SEC14L1: variants seen among roughly 807,000 people sequenced by gnomAD.
SEC14L1 encodes SEC14-like protein 1.
SEC14L1 carries 48 observed loss-of-function variants against 85.3 expected under a neutral mutation model. That is an observed-to-expected ratio of 0.56 (90% CI 0.45 to 0.72). The LOEUF is 0.72. SEC14L1 is among the 30% of genes least tolerant of loss of function. The probability of loss-of-function intolerance (pLI) is 0.00; values close to 1 mark genes in which losing one functional copy is unlikely to be tolerated. For missense variants in SEC14L1, 682 were observed against 921.4 expected (o/e 0.74, Z 3.36); for synonymous variants, 391 against 355.5 (o/e 1.10, Z -1.12).
At chr17:77,104,584 G>A (rs1056374797) in intron 3 of SEC14L1, among the ~76,000 whole-genome samples, 31 of 150,154 alleles carry the variant, frequency 2.1e-4, no homozygotes, top group Non-Finnish European at 4.4e-5. Flanking sequence ...GAGGTCAGGA[G>A]ATCAAGACCA....
In SEC14L1 at chr17:77,214,544, C is replaced by G. The variant is rs1333662359; in HGVS notation, c.*521C>G. ...TGGACTTAGGGCCAGCCCTTGAGGTCCTTATCCTCTGAGGATTCAGAGGTT... is the reference window on the plus strand; with the variant it reads ...TGGACTTAGGGCCAGCCCTTGAGGTGCTTATCCTCTGAGGATTCAGAGGTT... On this transcript the variant is annotated 3_prime_UTR_variant, in exon 17 of 17. Transcript: ENST00000436233. The G allele has an allele frequency of 1.1e-5, 11 of 992,252 alleles. No individual in the cohort carries two copies. Among genetic ancestry groups the G allele is most frequent in the Non-Finnish European group, 1.3e-5 (11 of 833,874 alleles). 61.5% of individuals were successfully genotyped at this position (992,252 alleles called of 1,614,324 possible).
At chr17:77,119,509 T>C (rs1486985980) in intron 3 of SEC14L1, among the ~76,000 whole-genome samples, 2 of 152,110 alleles carry the variant, frequency 1.3e-5, no homozygotes, top group Non-Finnish European at 2.9e-5. Flanking sequence ...CCGGTATCCC[T>C]GTGAAAGAGC....
At chr17:77,174,119 C>T (rs780041899) in intron 3 of SEC14L1, among the ~76,000 whole-genome samples, 2 of 152,098 alleles carry the variant, frequency 1.3e-5, no homozygotes, top group African/African-American at 4.8e-5. Context: ...TGGGGTTGCA[C>T]CATGTTGGCC....
intron 3 of SEC14L1, among the ~76,000 whole-genome samples, chr17:77,177,490 C>G (rs911668420): frequency 6.6e-6 from 1 of 151,224 alleles, no homozygotes; most frequent in African/African-American, 2.4e-5. Context: ...GCTGGAAATT[C>G]TTGAAGAAGA....
intron 3 of SEC14L1, among the ~76,000 whole-genome samples, chr17:77,130,499 G>C (rs1189730142): frequency 6.6e-6 from 1 of 151,970 alleles, no homozygotes; most frequent in Non-Finnish European, 1.5e-5. Context: ...GTATTTTTTA[G>C]TAGTGACGGG....
intron 3 of SEC14L1, among the ~76,000 whole-genome samples, chr17:77,150,668 G>T (rs561897323): frequency 1.4e-4 from 21 of 152,322 alleles, no homozygotes; most frequent in African/African-American, 4.8e-4. Context: ...AACACTTTCT[G>T]ACGGGCAGCT....
chr17:77,198,638 G>A (rs1205373012), intron 8 of SEC14L1, among the ~76,000 whole-genome samples: 2 of 151,168 alleles, frequency 1.3e-5, no homozygotes, highest in African/African-American at 4.9e-5. Context: ...GCAGTGGCGC[G>A]ATCTCGGCTC....
At chr17:77,119,036 A>T (rs1208007559) in intron 3 of SEC14L1, among the ~76,000 whole-genome samples, 1 of 152,124 alleles carries the variant, frequency 6.6e-6, no homozygotes. Context: ...CAGGCCGGGT[A>T]CAGTGGCTCA....
chr17:77,148,293 C>T (rs1973405695), intron 3 of SEC14L1, among the ~76,000 whole-genome samples: 1 of 151,984 alleles, frequency 6.6e-6, no homozygotes, highest in Non-Finnish European at 1.5e-5. Flanking sequence ...ACCTTCTGAA[C>T]CCGATTTTTG....
intron 3 of SEC14L1, among the ~76,000 whole-genome samples, chr17:77,129,730 A>T (rs1161194130): frequency 3.9e-5 from 6 of 152,098 alleles, no homozygotes; most frequent in African/African-American, 1.4e-4. Flanking sequence ...CTATTGCTTT[A>T]ACTAAATGGA....
At chr17:77,170,223 A>T (rs1302093956) in intron 3 of SEC14L1, among the ~76,000 whole-genome samples, 1 of 152,122 alleles carries the variant, frequency 6.6e-6, no homozygotes, top group Non-Finnish European at 1.5e-5. Context: ...GAGACAGATT[A>T]AACTTTCTTT....
chr17:77,215,426 C>T lies in SEC14L1; in HGVS notation c.*1403C>T, dbSNP rs1323239410. 6.1e-6 allele frequency: 6 copies of T among 985,362 alleles called. No homozygotes were observed. In the African/African-American group the frequency reaches 1.0e-4, roughly 17 times the overall value. 61.0% of individuals were successfully genotyped at this position (985,362 alleles called of 1,614,324 possible). A position where few individuals can be genotyped will look rare whatever the true frequency, so the allele number is the denominator to read the frequency against. On this transcript the variant is annotated 3_prime_UTR_variant, in exon 17 of 17. Transcript: ENST00000436233. ...GGCTGTCAACTGTGTGCGTGGTAGGCATGGAGATCCTGGTTGTGCCGTCTC... is the reference window on the plus strand; with the variant it reads ...GGCTGTCAACTGTGTGCGTGGTAGGTATGGAGATCCTGGTTGTGCCGTCTC...
rs1567933463 is a variant in SEC14L1, at chr17:77,206,023, G to T, written c.1170-206G>T. Among the ~76,000 whole-genome samples, 1 of 152,132 alleles carries T rather than the reference G, an allele frequency of 6.6e-6. No homozygotes were observed. Among genetic ancestry groups the T allele is most frequent in the Non-Finnish European group, 1.5e-5 (1 of 68,030 alleles). On this transcript the variant is annotated intron_variant, in intron 11 of 16. Transcript: ENST00000436233. This position sits in a 1 kb window ranked among gnomAD's most constrained non-coding sequence, Gnocchi z 4.3. Reference sequence around the variant, plus strand: ...CAGTCAGCCTTAATTGCAGTTTCAGGCCTTGGTCCTACCACACTGATCCTG... The same window carrying T: ...CAGTCAGCCTTAATTGCAGTTTCAGTCCTTGGTCCTACCACACTGATCCTG...
At position 77,206,961 on chromosome 17, in the gene SEC14L1, T is replaced by G. The variant is rs374340238; in HGVS notation, c.1476+99T>G. The stretch of plus-strand genomic sequence containing the variant: ...ATGATTTTCAGAACTTCCAGTTGTT[T>G]GGATGTTTTGTTTTTGTTTTGTTTC... On this transcript the variant is annotated intron_variant, in intron 13 of 16. Coordinates refer to ENST00000436233, the MANE Select transcript of SEC14L1 (RefSeq NM_001143998.2). This position sits in a 1 kb window ranked among gnomAD's most constrained non-coding sequence, Gnocchi z 4.3. 1.6e-6 allele frequency: 2 copies of G among 1,280,368 alleles called. No individual in the cohort carries two copies. Among genetic ancestry groups the G allele is most frequent in the Non-Finnish European group, 2.1e-6 (2 of 950,808 alleles). The allele number at this position is 1,280,368 out of a possible 1,614,324, so 79.3% of individuals were successfully genotyped here.
At chr17:77,089,130 A>G (rs972821279) in intron 1 of SEC14L1, 4 of 306,166 alleles carry the variant, frequency 1.3e-5, no homozygotes, top group African/African-American at 9.9e-5. Flanking sequence ...TTTAAAGCAC[A>G]TTATGTTACT....
chr17:77,201,415 G>A (rs1257161330), intron 9 of SEC14L1, among the ~76,000 whole-genome samples: 2 of 150,126 alleles, frequency 1.3e-5, no homozygotes, highest in African/African-American at 2.4e-5. Flanking sequence ...CTTTTGTATT[G>A]TTAAAAAGTT....
chr17:77,145,802 A>G (rs1040184329), intron 3 of SEC14L1, among the ~76,000 whole-genome samples: 1 of 152,180 alleles, frequency 6.6e-6, no homozygotes, highest in African/African-American at 2.4e-5. Context: ...GGCCTCAGCC[A>G]CAGTTTTTCT....
At chr17:77,093,438 G>A (rs1391121101) in intron 3 of SEC14L1, 2 of 152,164 alleles carry the variant, frequency 1.3e-5, no homozygotes, top group Non-Finnish European at 2.9e-5. Flanking sequence ...TACACGCCAA[G>A]GTGACCACAT....
chr17:77,162,294 C>T (rs911047048), intron 3 of SEC14L1, among the ~76,000 whole-genome samples: 31 of 152,308 alleles, frequency 2.0e-4, no homozygotes, highest in Admixed American at 1.8e-3. Flanking sequence ...TAGCTTCGCC[C>T]CATTGGCTCC....
Sources: gnomAD v4.1 joint callset for allele counts (sites outside exome capture counted in the v4.1 genomes callset) on GRCh38, gnomAD v4.1.1 for gene constraint, Gnocchi (gnomAD v3.1) non-coding constraint, MANE v1.5 for transcripts, NCBI Gene and HGNC (gene_info 2026-07-23, HGNC 2026-07-21) for gene names.